The following IFNLR1 variants were observed in gnomAD, a reference collection of about 807,000 sequenced individuals.
IFNLR1 encodes CRF2-12.
A neutral mutation model predicts 52.5 loss-of-function variants in IFNLR1; 28 were observed. That is an observed-to-expected ratio of 0.53 (90% CI 0.40 to 0.73). The LOEUF is 0.73. Among genes scored for constraint, IFNLR1 ranks in the 30% least tolerant of loss-of-function variants. IFNLR1 has a pLI of 0.00. For synonymous variants in IFNLR1, 276 were observed against 274.9 expected (o/e 1.00, Z -0.04); for missense variants, 623 against 659.1 (o/e 0.95, Z 0.60).
At chr1:24,173,126 C>A (rs1644598282) in intron 2 of IFNLR1, among the ~76,000 whole-genome samples, 1 of 94,618 alleles carries the variant, frequency 1.1e-5, no homozygotes. Flanking sequence ...TTTTTCTCTT[C>A]CAAAAAAAAA....
intron 3 of IFNLR1, among the ~76,000 whole-genome samples, chr1:24,162,818 T>C (rs1273563850): frequency 2.0e-5 from 1 of 51,158 alleles, no homozygotes; most frequent in African/African-American, 6.2e-5. Context: ...TTTCTTTTTT[T>C]CTTCTTTCTT....
intron 4 of IFNLR1, among the ~76,000 whole-genome samples, chr1:24,160,208 C>T (rs983648846): frequency 6.6e-6 from 1 of 152,178 alleles, no homozygotes; most frequent in Non-Finnish European, 1.5e-5. Context: ...TTGGGGTCTC[C>T]TAGTCTATCA....
intron 2 of IFNLR1, among the ~76,000 whole-genome samples, chr1:24,173,257 A>G (rs916193396): frequency 6.6e-6 from 1 of 152,144 alleles, no homozygotes; most frequent in Admixed American, 6.5e-5. Flanking sequence ...AAGAAAATAA[A>G]TGACCTAATA....
chr1:24,185,589 T>C (rs1390534562), intron 1 of IFNLR1, among the ~76,000 whole-genome samples: 1 of 152,208 alleles, frequency 6.6e-6, no homozygotes, highest in Non-Finnish European at 1.5e-5. Flanking sequence ...GGGTGCCTGC[T>C]TCCACCTCAT....
At chr1:24,168,997 G>A (rs1422819205) in intron 3 of IFNLR1, among the ~76,000 whole-genome samples, 1 of 152,178 alleles carries the variant, frequency 6.6e-6, no homozygotes, top group South Asian at 2.1e-4. Context: ...ACCTGCCTTG[G>A]CCTCCCAAAG....
At chr1:24,187,134 C>T (rs1644746699) in intron 1 of IFNLR1, 57 bp downstream of exon 1, 17 of 1,187,966 alleles carry the variant, frequency 1.4e-5, no homozygotes, top group Non-Finnish European at 1.9e-5. Flanking sequence ...CGAGGGTAGG[C>T]GCGGCCCGGC....
chr1:24,162,482 T>C (rs998975441), intron 3 of IFNLR1, among the ~76,000 whole-genome samples: 6 of 152,242 alleles, frequency 3.9e-5, no homozygotes, highest in African/African-American at 1.4e-4. Flanking sequence ...TGAAGATCTA[T>C]GTCTCAGTCT....
intron 3 of IFNLR1, among the ~76,000 whole-genome samples, chr1:24,162,868 T>TCTCCTTCCTTCCTTCCTTCCTTCC (rs1644473432): frequency 1.7e-5 from 1 of 58,016 alleles, no homozygotes; most frequent in South Asian, 7.2e-4. Context: ...TCTTTCTTTC[T>TCTCCTTCCTTCCTTCCTTCCTTCC]TTCTTTCTTT....
Position 24,169,499 on chromosome 1 carries a change from CTTG to C in IFNLR1, c.282_284del (p.Asn94del). 1 of 1,614,200 alleles carries C rather than the reference CTTG, an allele frequency of 6.2e-7. No individual in the cohort carries two copies. Among genetic ancestry groups the C allele is most frequent in the South Asian group, 1.1e-5 (1 of 91,082 alleles). On this transcript the variant is annotated inframe_deletion, in exon 3 of 7. Transcript: ENST00000327535. ...AAACCGTCCGCACGCGTCCCTTGAA[CTTG>C]TTGTACAGGTCCTGTTTCTTCAGGC...
chr1:24,187,129 G>A, intron 1 of IFNLR1, 62 bp downstream of exon 1: 1 of 1,148,304 alleles, frequency 8.7e-7, no homozygotes, highest in East Asian at 3.2e-5. Flanking sequence ...GGGTCCGAGG[G>A]TAGGCGCGGC....
intron 1 of IFNLR1, among the ~76,000 whole-genome samples, chr1:24,183,302 A>T (rs1644709503): frequency 6.7e-6 from 1 of 149,534 alleles, no homozygotes; most frequent in Admixed American, 6.7e-5. Context: ...TTCCCCATTA[A>T]AAAAAAAAAT....
At position 24,156,913 on chromosome 1, in the gene IFNLR1, CCTCTTATAG is replaced by C. The variant is rs1644384353; in HGVS notation, c.*208_*216del. 3.4e-6 allele frequency: 2 copies of C among 584,206 alleles called. No homozygotes were observed. The allele number at this position is 584,206 out of a possible 1,614,324, so 36.2% of individuals were successfully genotyped here. On this transcript the variant is annotated 3_prime_UTR_variant, in exon 7 of 7. Transcript: ENST00000327535. Reference sequence around the variant, plus strand: ...GACCTCAGCCCACCCTGTGTCCACCCCTCTTATAGCTCAGCCTAAAGAGGGCGGGTCACA... The same window carrying C: ...GACCTCAGCCCACCCTGTGTCCACCCCTCAGCCTAAAGAGGGCGGGTCACA...
intron 3 of IFNLR1, among the ~76,000 whole-genome samples, chr1:24,162,946 T>TTCTC (rs1644479017): frequency 7.4e-6 from 1 of 135,122 alleles, no homozygotes; most frequent in Non-Finnish European, 1.6e-5. Flanking sequence ...TTCTCTTTCT[T>TTCTC]TCTTCTTTCT....
At chr1:24,158,972 C>T (rs1462801043) in intron 6 of IFNLR1, 80 bp downstream of exon 6, 4 of 1,419,632 alleles carry the variant, frequency 2.8e-6, no homozygotes, top group East Asian at 2.3e-5. Flanking sequence ...GATATTCTAT[C>T]TGAACAACTC....
intron 6 of IFNLR1, 162 bp downstream of exon 6, chr1:24,158,890 A>G: frequency 1.3e-6 from 1 of 783,772 alleles, no homozygotes; most frequent in Non-Finnish European, 2.1e-6. Flanking sequence ...TCAGGACTAA[A>G]TGAATGCATT....
intron 3 of IFNLR1, among the ~76,000 whole-genome samples, chr1:24,162,797 TTTC>T (rs1644466383): frequency 6.9e-5 from 6 of 86,986 alleles, no homozygotes; most frequent in African/African-American, 2.6e-4. Context: ...TTTTTCTTTC[TTTC>T]TTTTTTCTTT....
intron 1 of IFNLR1, among the ~76,000 whole-genome samples, chr1:24,185,935 GCTAA>G (rs1417380427): frequency 1.3e-5 from 2 of 152,366 alleles, no homozygotes; most frequent in East Asian, 3.8e-4. Flanking sequence ...AGAGACAGAT[GCTAA>G]CTAACTTGCC....
At chr1:24,183,279 A>G (rs1434551077) in intron 1 of IFNLR1, among the ~76,000 whole-genome samples, 3 of 152,046 alleles carry the variant, frequency 2.0e-5, no homozygotes, top group African/African-American at 7.3e-5. Context: ...ACCTCATACT[A>G]TTAAAAGGCT....
rs1246711222 is a variant in IFNLR1, at chr1:24,154,528, G to A, written c.*2602C>T. On this transcript the variant is annotated 3_prime_UTR_variant, in exon 7 of 7. Coordinates refer to ENST00000327535, the MANE Select transcript of IFNLR1 (RefSeq NM_170743.4). ...GGCTTTTTGTGAATGACTTAATGAC[G>A]ATAAAGGAGATGGAGTTTAGAGTTA... The A allele has an allele frequency of 2.0e-5, 3 of 152,180 alleles. No homozygotes were observed. The highest frequency in any genetic ancestry group is 2.1e-4 in the South Asian group (1 of 4,834). 9.4% of individuals were successfully genotyped at this position (152,180 alleles called of 1,614,324 possible). A position where few individuals can be genotyped will look rare whatever the true frequency, so the allele number is the denominator to read the frequency against.
Sources: allele counts gnomAD v4.1 joint callset (sites outside exome capture counted in the v4.1 genomes callset), GRCh38; gene constraint gnomAD v4.1.1; transcripts MANE v1.5; gene names NCBI Gene and HGNC (gene_info 2026-07-23, HGNC 2026-07-21).